The following SARAF variants were observed in gnomAD, a reference collection of about 807,000 sequenced individuals.
SARAF encodes the protein store-operated calcium entry-associated regulatory factor.
A neutral mutation model predicts 39.7 loss-of-function variants in SARAF; 23 were observed. That is an observed-to-expected ratio of 0.58 (90% CI 0.42 to 0.82). SARAF has a LOEUF of 0.82. Ranked by LOEUF, SARAF falls within the 40% of genes least tolerant of loss-of-function variation. SARAF has a pLI of 0.00. For synonymous variants in SARAF, 175 were observed against 168.5 expected (o/e 1.04, Z -0.30); for missense variants, 384 against 418.5 (o/e 0.92, Z 0.72).
Position 30,064,119 on chromosome 8 carries a change from C to G in SARAF, c.995-206G>C, listed in dbSNP as rs543583928. Among the ~76,000 whole-genome samples, 5 of 152,242 alleles carry G rather than the reference C, an allele frequency of 3.3e-5. No individual in the cohort carries two copies. In the South Asian group the frequency reaches 8.3e-4, roughly 25 times the overall value. On this transcript the variant is annotated intron_variant, in intron 5 of 5. Transcript: ENST00000256255. ...CCAATCATCAAGCCTACTACACTCA[C>G]ACATGGTTGCTGGGAATGACAGTTA...
chr8:30,063,303 AT>A lies in SARAF; in HGVS notation c.*584del, dbSNP rs1801600227. 1 of 152,466 alleles carries A rather than the reference AT, an allele frequency of 6.6e-6. No homozygotes were observed. Among genetic ancestry groups the A allele is most frequent in the Non-Finnish European group, 1.5e-5 (1 of 68,216 alleles). 9.4% of individuals were successfully genotyped at this position (152,466 alleles called of 1,614,324 possible). ...ATTCACAACAACCTTCTAGATGCTT[AT>A]TTTCTACCTTTTCCTACAGAAGGTA... On this transcript the variant is annotated 3_prime_UTR_variant, in exon 6 of 6. Transcript: ENST00000256255.
chr8:30,071,055 T>C (rs1307799587), intron 2 of SARAF, among the ~76,000 whole-genome samples: 6 of 152,182 alleles, frequency 3.9e-5, no homozygotes, highest in Admixed American at 3.9e-4. Flanking sequence ...AGATACAAGC[T>C]AAAGGCCAGG....
chr8:30,063,200 T>A lies in SARAF; in HGVS notation c.*688A>T, dbSNP rs1481239733. On this transcript the variant is annotated 3_prime_UTR_variant, in exon 6 of 6. Transcript: ENST00000256255. ...GCATGCTTTTGTTATTAAAAGACTT[T>A]TGTTGAAAAATTTGACCTTTACCTC... The A allele has an allele frequency of 1.3e-5, 2 of 152,232 alleles. No homozygotes were observed. The highest frequency in any genetic ancestry group is 3.8e-4 in the East Asian group (2 of 5,196). The allele number at this position is 152,232 out of a possible 1,614,324, so 9.4% of individuals were successfully genotyped here.
Position 30,065,971 on chromosome 8 carries a change from G to C in SARAF, c.994+17C>G, listed in dbSNP as rs761593277. The C allele has an allele frequency of 3.9e-6, 6 of 1,547,718 alleles. No homozygotes were observed. Among genetic ancestry groups the C allele is most frequent in the East Asian group, 4.5e-5 (2 of 44,868 alleles). ...CTTTACTCCTAGGTAAAAGGAACTT[G>C]TATTTTTTGCTCTTACCTGATGCAG... is the stretch of plus-strand genomic sequence containing the variant. On this transcript the variant is annotated intron_variant, in intron 5 of 5. Transcript: ENST00000256255.
At chr8:30,065,899 T>C (rs780371442) in intron 5 of SARAF, 89 bp downstream of exon 5, 3 of 1,503,606 alleles carry the variant, frequency 2.0e-6, no homozygotes, top group Non-Finnish European at 2.8e-6. Flanking sequence ...AAAACCATGG[T>C]TGCTAAACAG....
intron 3 of SARAF, among the ~76,000 whole-genome samples, chr8:30,067,328 T>G (rs773463597): frequency 1.3e-5 from 2 of 152,222 alleles, no homozygotes; most frequent in African/African-American, 4.8e-5. Flanking sequence ...CAGATATTTA[T>G]TTGTGTCAGT....
At chr8:30,082,686 A>C (rs1802134125) in intron 1 of SARAF, 161 bp downstream of exon 1, 1 of 546,052 alleles carries the variant, frequency 1.8e-6, no homozygotes, top group Non-Finnish European at 3.2e-6. Context: ...TGGGAAGAGC[A>C]GTGGAACCAG....
chr8:30,063,985 A>G, intron 5 of SARAF, 72 bp from the exon 6 acceptor site: 1 of 1,282,270 alleles, frequency 7.8e-7, no homozygotes, highest in Admixed American at 1.9e-5. Context: ...ATTACAAGTC[A>G]TACATGTTTA....
Position 30,083,038 on chromosome 8 carries a change from G to A in SARAF, c.-89C>T, listed in dbSNP as rs1802147903. 3.1e-6 allele frequency: 3 copies of A among 966,530 alleles called. No homozygotes were observed. Among genetic ancestry groups the A allele is most frequent in the Non-Finnish European group, 4.4e-6 (3 of 675,292 alleles). The allele number at this position is 966,530 out of a possible 1,614,324, so 59.9% of individuals were successfully genotyped here. On this transcript the variant is annotated 5_prime_UTR_variant, in exon 1 of 6. Transcript: ENST00000256255. ...GCGCGCGACGCTGCGCAGCTACACC[G>A]CTACCCCTGGCGGCGGCGAAGGAAC...
chr8:30,082,675 C>T (rs1384737714), intron 1 of SARAF, 172 bp downstream of exon 1: 2 of 533,430 alleles, frequency 3.7e-6, no homozygotes, highest in Admixed American at 4.1e-5. Context: ...CCCAAGACGC[C>T]TGGGAAGAGC....
intron 1 of SARAF, among the ~76,000 whole-genome samples, chr8:30,081,163 T>A (rs779507427): frequency 1.8e-4 from 27 of 152,292 alleles, no homozygotes; most frequent in Non-Finnish European, 2.9e-4. Context: ...AACAAAAAAG[T>A]TCCTCAAAGT....
At chr8:30,073,816 C>T (rs1585440579) in intron 2 of SARAF, 61 bp downstream of exon 2, 2 of 1,476,604 alleles carry the variant, frequency 1.4e-6, no homozygotes, top group South Asian at 2.4e-5. Context: ...AATAATGTCC[C>T]AATAAACAAT....
In SARAF at chr8:30,063,235, A is replaced by G. The variant is rs998223375; in HGVS notation, c.*653T>C. ...ATTTGACCTTTACCTCTTATGAACG[A>G]AAGAAATATAGAGGTTTCAAGCATT... On this transcript the variant is annotated 3_prime_UTR_variant, in exon 6 of 6. Transcript: ENST00000256255. 5 of 152,186 alleles carry G rather than the reference A, an allele frequency of 3.3e-5. No individual in the cohort carries two copies. The highest frequency in any genetic ancestry group is 4.8e-5 in the African/African-American group (2 of 41,444). The allele number at this position is 152,186 out of a possible 1,614,324, so 9.4% of individuals were successfully genotyped here.
intron 5 of SARAF, among the ~76,000 whole-genome samples, chr8:30,064,561 A>ATATATATTTTTTTT (rs1423689069): frequency 4.3e-5 from 2 of 46,236 alleles, no homozygotes; most frequent in Non-Finnish European, 6.9e-5. Flanking sequence ...ATATATATAT[A>ATATATATTTTTTTT]TTTTTTTTTT....
intron 2 of SARAF, chr8:30,073,606 C>G (rs1409308098): frequency 5.9e-6 from 2 of 341,880 alleles, no homozygotes; most frequent in Non-Finnish European, 1.1e-5. Flanking sequence ...CTATCCCTCA[C>G]CCTCAAGTAT....
intron 5 of SARAF, among the ~76,000 whole-genome samples, chr8:30,064,561 A>ATATATTTT (rs1423689069): frequency 2.2e-5 from 1 of 46,228 alleles, no homozygotes; most frequent in African/African-American, 1.1e-4. Context: ...ATATATATAT[A>ATATATTTT]TTTTTTTTTT....
intron 1 of SARAF, among the ~76,000 whole-genome samples, chr8:30,081,939 TA>T (rs35616448): frequency 6.6e-6 from 1 of 151,636 alleles, no homozygotes; most frequent in Non-Finnish European, 1.5e-5. Context: ...GTACCATCAC[TA>T]AAAAAAACCG....
intron 3 of SARAF, among the ~76,000 whole-genome samples, chr8:30,068,600 T>C (rs1342237478): frequency 3.4e-5 from 2 of 58,588 alleles, no homozygotes; most frequent in Admixed American, 2.6e-4. Flanking sequence ...CGTGGAAAAA[T>C]TGTCTTCCAC....
chr8:30,064,493 A>C (rs16876400), intron 5 of SARAF, among the ~76,000 whole-genome samples: 2,158 of 144,922 alleles, frequency 0.015, 70 homozygotes, highest in African/African-American at 0.052. Flanking sequence ...TCTTCTTTCC[A>C]CTGAGAATGA....
Sources: allele counts gnomAD v4.1 joint callset (sites outside exome capture counted in the v4.1 genomes callset), GRCh38; gene constraint gnomAD v4.1.1; transcripts MANE v1.5; gene names NCBI Gene and HGNC (gene_info 2026-07-23, HGNC 2026-07-21).